Variants in KIF19 observed in about 807,000 individuals in gnomAD.
KIF19 encodes kinesin family member 19.
In KIF19, 98 loss-of-function variants were observed where a neutral mutation model predicts 106.6. That is an observed-to-expected ratio of 0.92 (90% CI 0.78 to 1.09). The LOEUF (loss-of-function observed/expected upper bound fraction) is 1.09, where lower values mean the gene tolerates loss of function less well. Among genes scored for constraint, KIF19 ranks in the 50% least tolerant of loss-of-function variants. The pLI is 0.00. For missense variants in KIF19, 1,373 were observed against 1,414.3 expected (o/e 0.97, Z 0.47); for synonymous variants, 516 against 584.2 (o/e 0.88, Z 1.68).
Position 74,352,897 on chromosome 17 carries a change from T to A in KIF19, c.2057T>A (p.Leu686Ter). The change falls in exon 15 of 20, where the codon TTG becomes TAG. Residue 686 changes from leucine to a stop codon, truncating the protein, a stop_gained. Transcript: ENST00000389916. LOFTEE classifies it high-confidence loss of function. ...PDSDLESVKT[L>*]SSDAQHLQNS... The stretch of plus-strand genomic sequence containing the variant: ...TCTGACCTGGAGAGTGTGAAGACAT[T>A]GAGCTCTGATGCCCAGCACCTGCAG... 1 of 1,612,844 alleles carries A rather than the reference T, an allele frequency of 6.2e-7. No individual in the cohort carries two copies. The highest frequency in any genetic ancestry group is 8.5e-7 in the Non-Finnish European group (1 of 1,178,856).
chr17:74,330,445 G>C (rs1454384463), intron 2 of KIF19, among the ~76,000 whole-genome samples: 1 of 152,188 alleles, frequency 6.6e-6, no homozygotes, highest in South Asian at 2.1e-4. Flanking sequence ...AGGGCTGCTG[G>C]GTTGGCTCAG....
rs765213483 is a variant in KIF19 at position 74,344,324 on chromosome 17, A to G, written c.558A>G (p.Glu186=). 6.2e-7 allele frequency: 1 copy of G among 1,612,636 alleles called. No homozygotes were observed. The highest frequency in any genetic ancestry group is 8.5e-7 in the Non-Finnish European group (1 of 1,179,736). The change falls in exon 6 of 20, where the codon GAA becomes GAG. Residue 186 remains glutamate (E), a synonymous_variant. Transcript: ENST00000389916. Reference sequence around the variant, plus strand: ...TGATCCAGGTGGCCGGCATCACCGAAGTCTCCACCATCAATGCCAAGGAGG... The same window carrying G: ...TGATCCAGGTGGCCGGCATCACCGAGGTCTCCACCATCAATGCCAAGGAGG... ...KGVIQVAGIT[E]VSTINAKEIM...
rs902214373 is a variant in KIF19, at chr17:74,349,126, C to G, written c.1048-58C>G. On this transcript the variant is annotated intron_variant, in intron 9 of 19. Transcript: ENST00000389916. ...GGGAAGAAAGGCCCTGCAGGCAGGC[C>G]TCGGTGAGTGCACCTGGGGTGACTG... 75 of 1,594,826 alleles carry G rather than the reference C, an allele frequency of 4.7e-5. No individual in the cohort carries two copies. In the Middle Eastern group the frequency reaches 1.5e-3, roughly 32 times the overall value.
chr17:74,353,094 T>C, intron 15 of KIF19, 102 bp from the exon 16 acceptor site: 1 of 1,390,654 alleles, frequency 7.2e-7, no homozygotes, highest in Non-Finnish European at 1.0e-6. Context: ...GACTCCTGGG[T>C]TCTCTCTCCT....
chr17:74,351,747 C>T (rs2054706685), intron 12 of KIF19, 120 bp from the exon 13 acceptor site: 1 of 1,161,184 alleles, frequency 8.6e-7, no homozygotes. Flanking sequence ...TTAGGGTTGG[C>T]CTCAGGCTGG....
At chr17:74,336,979 C>G (rs1031538790) in intron 2 of KIF19, among the ~76,000 whole-genome samples, 4 of 152,296 alleles carry the variant, frequency 2.6e-5, no homozygotes, top group African/African-American at 9.6e-5. Flanking sequence ...GCGCGTGCCA[C>G]CATGCCCGGC....
intron 4 of KIF19, 47 bp from the exon 5 acceptor site, chr17:74,342,977 T>TGCCAACC: frequency 6.5e-7 from 1 of 1,527,880 alleles, no homozygotes; most frequent in Non-Finnish European, 8.8e-7. Context: ...CAGCAAGGCC[T>TGCCAACC]CCCTCCCAGC....
chr17:74,333,153 G>T (rs2054137829), intron 2 of KIF19, among the ~76,000 whole-genome samples: 1 of 152,202 alleles, frequency 6.6e-6, no homozygotes. Context: ...CGACCATCTG[G>T]ACGCTTCTTG....
In KIF19 at chr17:74,331,823, C is replaced by T. The variant is rs1376908591; in HGVS notation, c.120+3318C>T. 6.6e-6 allele frequency among the ~76,000 whole-genome samples: 1 copy of T among 151,994 alleles called. No individual in the cohort carries two copies. Among genetic ancestry groups the T allele is most frequent in the African/African-American group, 2.4e-5 (1 of 41,352 alleles). The stretch of plus-strand genomic sequence containing the variant: ...AACTCCTGACCTCAAGTGATACACC[C>T]GCCTCAGCCTCCCAAACTGTTGGGA... On this transcript the variant is annotated intron_variant, in intron 2 of 19. Transcript: ENST00000389916. This position sits in a 1 kb window ranked among gnomAD's most constrained non-coding sequence, Gnocchi z 4.1.
At position 74,351,933 on chromosome 17, in the gene KIF19, C is replaced by A. The variant is rs113691395; in HGVS notation, c.1654C>A (p.Arg552=). ...CCGGCGCCTGGAGGAGACGCTGCCG[C>A]GGCGCATCGGCTCCGAGGAGCAGCG... ...RGRRLEETLP[R]RIGSEEQREV... is the part of the protein sequence containing the mutation. The change falls in exon 13 of 20, where the codon CGG becomes AGG. Residue 552 remains arginine, a synonymous_variant. Transcript: ENST00000389916. The A allele has an allele frequency of 2.8e-6, 4 of 1,453,544 alleles. No homozygotes were observed. The highest frequency in any genetic ancestry group is 2.7e-6 in the Non-Finnish European group (3 of 1,109,592). The allele number at this position is 1,453,544 out of a possible 1,614,324, so 90.0% of individuals were successfully genotyped here.
chr17:74,349,947 C>T (rs963788617), intron 10 of KIF19, among the ~76,000 whole-genome samples: 3 of 151,900 alleles, frequency 2.0e-5, no homozygotes, highest in East Asian at 3.9e-4. Context: ...TACAGGTGCC[C>T]GCCACCACAC....
chr17:74,341,056 C>T lies in KIF19; in HGVS notation c.121-820C>T, dbSNP rs541217158. On this transcript the variant is annotated intron_variant, in intron 2 of 19. Coordinates refer to ENST00000389916, the MANE Select transcript of KIF19 (RefSeq NM_153209.4). The stretch of plus-strand genomic sequence containing the variant: ...GGGGTTAAAAGAGACTGTGTGAGGC[C>T]GGGTGTGGTGGCTCATGCCTATAAT... 5.9e-5 allele frequency among the ~76,000 whole-genome samples: 9 copies of T among 152,230 alleles called. 1 individual carries two copies. The South Asian group carries it at 1.5e-3, about 25-fold the overall frequency.
At chr17:74,347,990 T>G (rs2054587676) in intron 9 of KIF19, 91 bp downstream of exon 9, 1 of 1,433,328 alleles carries the variant, frequency 7.0e-7, no homozygotes, top group African/African-American at 1.4e-5. Flanking sequence ...CTGCACTCTC[T>G]GGAACCAGCC....
chr17:74,348,575 C>T (rs533065314), intron 9 of KIF19: 56 of 133,666 alleles, frequency 4.2e-4, no homozygotes, highest in Admixed American at 3.5e-3. Flanking sequence ...CAGCTGCTGC[C>T]CTGAGGGCTG....
rs372926359 is a variant in KIF19 at position 74,349,240 on chromosome 17, C to T, written c.1104C>T (p.Ile368=). ...ACATCGCCCAGTACACCAGCATCAT[C>T]GCTGACCTGCGGGGCGAGATCCAGC... The part of the protein sequence containing the change: ...SYHIAQYTSI[I]ADLRGEIQRL... The change falls in exon 10 of 20, where the codon ATC becomes ATT. Residue 368 remains isoleucine (I), a synonymous_variant. Transcript: ENST00000389916. 2.4e-5 allele frequency: 39 copies of T among 1,613,642 alleles called. 1 individual carries two copies. In the South Asian group the frequency reaches 3.5e-4, roughly 15 times the overall value.
intron 7 of KIF19, 32 bp downstream of exon 7, chr17:74,344,987 G>T: frequency 1.9e-6 from 3 of 1,564,302 alleles, no homozygotes; most frequent in South Asian, 1.1e-5. Flanking sequence ...GGCAGAGGAG[G>T]GAGGGTTGAC....
intron 1 of KIF19, among the ~76,000 whole-genome samples, chr17:74,328,113 G>A (rs970187512): frequency 6.6e-6 from 1 of 152,174 alleles, no homozygotes; most frequent in Admixed American, 6.5e-5. Context: ...TCCAGTGCCA[G>A]GGCCCCAAGT....
intron 9 of KIF19, chr17:74,348,584 TGTAA>T (rs5822041): frequency 0.39 from 61,499 of 159,010 alleles, 14,451 homozygotes; most frequent in Non-Finnish European, 0.53. Context: ...CCCTGAGGGC[TGTAA>T]GTTTTATTCC....
At position 74,343,363 on chromosome 17, in the gene KIF19, A is replaced by G. The variant is rs545072507; in HGVS notation, c.456+203A>G. Among the ~76,000 whole-genome samples, 283 of 152,248 alleles carry G rather than the reference A, an allele frequency of 1.9e-3. 3 individuals carry two copies. The highest frequency in any genetic ancestry group is 2.2e-3 in the Non-Finnish European group (149 of 67,994). Reference sequence around the variant, plus strand: ...AGCGAGGGAGCGGGGATTCAAACTCAGGACCCTGCAGCTTCAAGGCCAAGC... The same window carrying G: ...AGCGAGGGAGCGGGGATTCAAACTCGGGACCCTGCAGCTTCAAGGCCAAGC... On this transcript the variant is annotated intron_variant, in intron 5 of 19. Transcript: ENST00000389916.
Sources: allele counts gnomAD v4.1 joint callset (sites outside exome capture counted in the v4.1 genomes callset), GRCh38; gene constraint gnomAD v4.1.1; non-coding constraint Gnocchi (gnomAD v3.1); transcripts MANE v1.5; gene names NCBI Gene and HGNC (gene_info 2026-07-23, HGNC 2026-07-21).